Variants in CREB5 observed in about 807,000 individuals in gnomAD.
CREB5 encodes the protein cyclic AMP-responsive element-binding protein 5.
A neutral mutation model predicts 57.1 loss-of-function variants in CREB5; 19 were observed. The observed-to-expected ratio is 0.33, with a 90% CI of 0.23 to 0.49. CREB5 has a LOEUF of 0.49. Among genes scored for constraint, CREB5 ranks in the 20% least tolerant of loss-of-function variants. The pLI is 0.99. For missense variants in CREB5, 579 were observed against 671.6 expected (o/e 0.86, Z 1.52); for synonymous variants, 238 against 238.3 (o/e 1.00, Z 0.01).
intron 5 of CREB5, among the ~76,000 whole-genome samples, chr7:28,717,359 C>A (rs1287457696): frequency 1.3e-5 from 2 of 152,044 alleles, no homozygotes; most frequent in Non-Finnish European, 2.9e-5. Context: ...ATGACTAATC[C>A]TTCTATGATG....
At chr7:28,687,163 G>A (rs2128727815) in intron 5 of CREB5, among the ~76,000 whole-genome samples, 1 of 152,256 alleles carries the variant, frequency 6.6e-6, no homozygotes, top group South Asian at 2.1e-4. Flanking sequence ...TTATTTCAGT[G>A]AAGGTTAACA....
At chr7:28,389,718 A>C (rs1787177706) in intron 1 of CREB5, among the ~76,000 whole-genome samples, 2 of 152,094 alleles carry the variant, frequency 1.3e-5, no homozygotes, top group South Asian at 4.1e-4. Context: ...AATTTAAACC[A>C]AAACTCTAAG....
At position 28,518,842 on chromosome 7, in the gene CREB5, C is replaced by T. The variant is rs528701944; in HGVS notation, c.291+11105C>T. Among the ~76,000 whole-genome samples, 207 of 152,280 alleles carry T rather than the reference C, an allele frequency of 1.4e-3. 1 individual carries two copies. Among genetic ancestry groups the T allele is most frequent in the South Asian group, 3.3e-3 (16 of 4,814 alleles). On this transcript the variant is annotated intron_variant, in intron 4 of 10. Transcript: ENST00000357727. ...CTTGGAGTGTGGTCTGAACTCAGGA[C>T]GAGGGCAAGAAGTCAGCTCCATTCC...
At chr7:28,424,995 T>A (rs984716226) in intron 1 of CREB5, among the ~76,000 whole-genome samples, 5 of 152,196 alleles carry the variant, frequency 3.3e-5, no homozygotes, top group East Asian at 1.9e-4. Context: ...CTTAAAAAAA[T>A]TTTTATTTTA....
Position 28,819,214 on chromosome 7 carries a change from G to A in CREB5, c.1462G>A (p.Val488Met), listed in dbSNP as rs759707007. ...TITTSSSVSEVVGSSTLSQLT... is the reference protein window; with the variant it reads ...TITTSSSVSEMVGSSTLSQLT... ...CACTACTTCCTCATCGGTCAGCGAG[G>A]TGGTAGGAAGCTCCACCCTCAGCCA... is the stretch of plus-strand genomic sequence containing the variant. Residue 488 changes from valine to methionine, a missense_variant, in exon 11 of 11, where the codon GTG becomes ATG. Physicochemically the swap from Val to Met is conservative, Grantham distance 21. Transcript: ENST00000357727. 5 of 1,613,748 alleles carry A rather than the reference G, an allele frequency of 3.1e-6. No individual in the cohort carries two copies. In the East Asian group the frequency reaches 8.9e-5, roughly 29 times the overall value.
rs571315512 is a variant in CREB5 at position 28,820,402 on chromosome 7, A to G, written c.*1123A>G. 1 of 140,080 alleles carries G rather than the reference A, an allele frequency of 7.1e-6. No homozygotes were observed. Among genetic ancestry groups the G allele is most frequent in the Admixed American group, 7.5e-5 (1 of 13,300 alleles). The allele number at this position is 140,080 out of a possible 1,614,324, so 8.7% of individuals were successfully genotyped here. On this transcript the variant is annotated 3_prime_UTR_variant, in exon 11 of 11. Transcript: ENST00000357727. Reference sequence around the variant, plus strand: ...CATTGTTCAATCATCAGCTGCTAATAGCCTAAGATTTATTTTTTTTTTTTT... The same window carrying G: ...CATTGTTCAATCATCAGCTGCTAATGGCCTAAGATTTATTTTTTTTTTTTT...
In CREB5 at chr7:28,330,401, CT is replaced by C. The variant is rs10699932; in HGVS notation, c.-25+30980del. Among the ~76,000 whole-genome samples the C allele has an allele frequency of 3.9e-3, 345 of 88,526 alleles. 1 individual carries two copies. Among genetic ancestry groups the C allele is most frequent in the South Asian group, 0.013 (31 of 2,372 alleles). The allele number at this position is 88,526 out of a possible 152,430, so 58.1% of individuals were successfully genotyped here. ...TTTAGCTTGTGCTAAGAGAACCTTA[CT>C]TTTTTTTTTTTTTTTTTTTGCATAT... On this transcript the variant is annotated intron_variant, in intron 1 of 9. Coordinates refer to the CREB5 transcript ENST00000396299.
At chr7:28,775,876 C>T (rs1474549480) in intron 7 of CREB5, among the ~76,000 whole-genome samples, 1 of 152,044 alleles carries the variant, frequency 6.6e-6, no homozygotes, top group African/African-American at 2.4e-5. Flanking sequence ...CCAGTAGATG[C>T]TTTATATATG....
chr7:28,732,846 T>G lies in CREB5; in HGVS notation c.702+8514T>G, dbSNP rs533936790. On this transcript the variant is annotated intron_variant, in intron 7 of 10. Transcript: ENST00000357727. ...GTTTTCCTAAAGGTTTAGGGTTGTT[T>G]TTTTTTTTTTCTTAAAACCCAAGAA... is the stretch of plus-strand genomic sequence containing the variant. 3.8e-4 allele frequency among the ~76,000 whole-genome samples: 57 copies of G among 151,508 alleles called. No homozygotes were observed. The East Asian group carries it at 0.01, about 27-fold the overall frequency.
At chr7:28,351,146 G>A (rs1051100607) in intron 1 of CREB5, among the ~76,000 whole-genome samples, 4 of 152,206 alleles carry the variant, frequency 2.6e-5, no homozygotes, top group Admixed American at 1.3e-4. Flanking sequence ...GGATGGTAAG[G>A]AGAAACAAGA....
intron 9 of CREB5, 58 bp downstream of exon 9, chr7:28,809,472 C>A (rs771749965): frequency 8.1e-6 from 12 of 1,474,026 alleles, no homozygotes; most frequent in Non-Finnish European, 1.1e-5. Context: ...ACGGGCATTT[C>A]CGGCCCTGAC....
intron 1 of CREB5, among the ~76,000 whole-genome samples, chr7:28,330,983 A>G (rs1785705416): frequency 6.6e-6 from 1 of 152,076 alleles, no homozygotes; most frequent in South Asian, 2.1e-4. Flanking sequence ...GGTATTTACT[A>G]CCTTGTGGGG....
rs529955751 is a variant in CREB5, at chr7:28,818,678, G to C, written c.1364-438G>C. On this transcript the variant is annotated intron_variant, in intron 10 of 10. Coordinates refer to ENST00000357727, the MANE Select transcript of CREB5 (RefSeq NM_182898.4). ...AGTTTCTGCATCTGGAATGCCAGTT[G>C]GTTAAATGATAGTTGAGTAGGGATG... 1.0e-3 allele frequency: 456 copies of C among 446,938 alleles called. 6 individuals carry two copies. Among genetic ancestry groups the C allele is most frequent in the South Asian group, 5.6e-3 (344 of 61,858 alleles). The allele number at this position is 446,938 out of a possible 1,614,324, so 27.7% of individuals were successfully genotyped here.
At chr7:28,662,642 C>A (rs910109716) in intron 5 of CREB5, among the ~76,000 whole-genome samples, 2 of 152,202 alleles carry the variant, frequency 1.3e-5, no homozygotes, top group Non-Finnish European at 2.9e-5. Context: ...CTCCCCCCAA[C>A]ACACAGCCCT....
chr7:28,306,392 C>T (rs1785182797), intron 1 of CREB5, among the ~76,000 whole-genome samples: 1 of 152,166 alleles, frequency 6.6e-6, no homozygotes, highest in Admixed American at 6.5e-5. Context: ...TATTCCACCA[C>T]TCCAGCTTCC....
chr7:28,763,063 C>A (rs1178237839), intron 7 of CREB5, among the ~76,000 whole-genome samples: 1 of 152,178 alleles, frequency 6.6e-6, no homozygotes, highest in African/African-American at 2.4e-5. Flanking sequence ...AGAGGCCTAA[C>A]CTTGCTTAAA....
intron 8 of CREB5, among the ~76,000 whole-genome samples, chr7:28,805,983 C>T (rs993825129): frequency 2.0e-5 from 3 of 151,434 alleles, no homozygotes; most frequent in African/African-American, 4.9e-5. Flanking sequence ...TTTAGTCAAA[C>T]GCCATACTAG....
intron 1 of CREB5, among the ~76,000 whole-genome samples, chr7:28,397,396 C>T (rs572352620): frequency 1.2e-3 from 179 of 152,216 alleles, no homozygotes; most frequent in African/African-American, 4.1e-3. Context: ...GATAAGGAGA[C>T]GTAAGGATCC....
chr7:28,705,364 C>CAAAA (rs10686098), intron 5 of CREB5, among the ~76,000 whole-genome samples: 6 of 92,938 alleles, frequency 6.5e-5, no homozygotes, highest in Middle Eastern at 5.7e-3. Flanking sequence ...GACTCTGACT[C>CAAAA]AAAAAAAAAA....
Sources: gnomAD v4.1 joint callset for allele counts (sites outside exome capture counted in the v4.1 genomes callset) on GRCh38, gnomAD v4.1.1 for gene constraint, MANE v1.5 for transcripts, NCBI Gene and HGNC (gene_info 2026-07-23, HGNC 2026-07-21) for gene names.